NFIB: variants seen among roughly 807,000 people sequenced by gnomAD.
NFIB encodes nuclear factor I B, also known as nuclear factor 1 B-type.
Under a neutral mutation model 61.5 loss-of-function variants are expected in NFIB, and 11 were observed. That is an observed-to-expected ratio of 0.18 (90% confidence interval 0.11 to 0.30). NFIB has a LOEUF of 0.30. Among genes scored for constraint, NFIB ranks in the 10% least tolerant of loss-of-function variants. The pLI is 1.00. For missense variants in NFIB, 471 were observed against 608.9 expected, an observed-to-expected ratio of 0.77 and a Z score of 2.38; for synonymous variants, 260 against 216.5, an observed-to-expected ratio of 1.20 and a Z score of -1.76.
intron 2 of NFIB, among the ~76,000 whole-genome samples, chr9:14,261,281 C>T (rs2132236856): frequency 6.6e-6 from 1 of 152,180 alleles, no homozygotes; most frequent in Non-Finnish European, 1.5e-5. Context: ...CATACCATTG[C>T]ACTCCAGCCT....
chr9:14,513,708 G>C, the NFIB span, among the ~76,000 whole-genome samples: 2 of 150,458 alleles, frequency 1.3e-5, no homozygotes, highest in African/African-American at 4.9e-5. Flanking sequence ...TTTTTCTTTA[G>C]TTATGGTTTT....
At chr9:14,493,204 C>A in the NFIB span, among the ~76,000 whole-genome samples, 1 of 152,190 alleles carries the variant, frequency 6.6e-6, no homozygotes, top group Non-Finnish European at 1.5e-5. Flanking sequence ...CATATTTGGC[C>A]TGGCTCCCAT....
intron 2 of NFIB, among the ~76,000 whole-genome samples, chr9:14,217,546 G>C (rs1290996762): frequency 2.0e-5 from 3 of 151,488 alleles, no homozygotes; most frequent in Non-Finnish European, 4.4e-5. Context: ...TGTAATCCCA[G>C]CTACTTGGGA....
chr9:14,279,476 G>T (rs543682406), intron 2 of NFIB, among the ~76,000 whole-genome samples: 6 of 152,280 alleles, frequency 3.9e-5, no homozygotes, highest in African/African-American at 1.2e-4. Flanking sequence ...AAGGCTAACA[G>T]TGATCAGACT....
the NFIB span, among the ~76,000 whole-genome samples, chr9:14,480,851 T>C: frequency 6.6e-6 from 1 of 152,256 alleles, no homozygotes; most frequent in African/African-American, 2.4e-5. Flanking sequence ...CTTCCTGTAG[T>C]ATGAAGCCTT....
rs534577331 is a variant in NFIB, at chr9:14,245,070, T to G, written c.562+61919A>C. Reference sequence around the variant, plus strand: ...CTCAATCAAACTTTGGCTTCAAAGGTTTGGGATAACAACAGCTAAATTCAG... The same window carrying G: ...CTCAATCAAACTTTGGCTTCAAAGGGTTGGGATAACAACAGCTAAATTCAG... On this transcript the variant is annotated intron_variant, in intron 2 of 10. Coordinates refer to ENST00000380953, the MANE Select transcript of NFIB (RefSeq NM_001190737.2). 2.4e-4 allele frequency among the ~76,000 whole-genome samples: 36 copies of G among 152,278 alleles called. No individual in the cohort carries two copies. The South Asian group carries it at 7.1e-3, about 30-fold the overall frequency.
chr9:14,112,502 A>T (rs981517906), intron 10 of NFIB, among the ~76,000 whole-genome samples: 1 of 152,236 alleles, frequency 6.6e-6, no homozygotes, highest in African/African-American at 2.4e-5. Context: ...AAACCAATTT[A>T]AAGCTATTAA....
At chr9:14,201,120 T>C (rs1237953721) in intron 2 of NFIB, among the ~76,000 whole-genome samples, 1 of 152,188 alleles carries the variant, frequency 6.6e-6, no homozygotes, top group Non-Finnish European at 1.5e-5. Context: ...TTCACATTTT[T>C]ACCTCACAAT....
At chr9:14,426,856 T>C in the NFIB span, among the ~76,000 whole-genome samples, 1 of 152,118 alleles carries the variant, frequency 6.6e-6, no homozygotes, top group African/African-American at 2.4e-5. Flanking sequence ...AGCTCTCAAG[T>C]TGTAAAATGG....
chr9:14,354,951 C>T (rs139405798), intron 1 of NFIB, among the ~76,000 whole-genome samples: 13 of 152,058 alleles, frequency 8.5e-5, no homozygotes, highest in African/African-American at 2.9e-4. Context: ...GCAGGTCTCT[C>T]TAAATGAGAG....
intron 9 of NFIB, among the ~76,000 whole-genome samples, chr9:14,115,151 T>C (rs988345864): frequency 6.6e-6 from 1 of 151,994 alleles, no homozygotes; most frequent in Non-Finnish European, 1.5e-5. Context: ...TCTTATAGGG[T>C]TCCTTCCTAG....
chr9:14,198,903 C>G lies in NFIB; in HGVS notation c.563-19123G>C, dbSNP rs555822986. ...CTCCCTCTCCCTGCCATGTGATGCA[C>G]CAGCTTTGGCCAAAAATCACATGTG... On this transcript the variant is annotated intron_variant, in intron 2 of 10. Coordinates refer to ENST00000380953, the MANE Select transcript of NFIB (RefSeq NM_001190737.2). 2.6e-5 allele frequency among the ~76,000 whole-genome samples: 4 copies of G among 152,298 alleles called. No individual in the cohort carries two copies. The South Asian group carries it at 8.3e-4, about 32-fold the overall frequency.
intron 2 of NFIB, among the ~76,000 whole-genome samples, chr9:14,208,488 C>T (rs141818420): frequency 5.9e-3 from 895 of 151,542 alleles, no homozygotes; most frequent in Non-Finnish European, 8.7e-3. Flanking sequence ...TAAAAACAGA[C>T]GTGACTTAAG....
At chr9:14,281,302 T>A (rs2058356581) in intron 2 of NFIB, among the ~76,000 whole-genome samples, 2 of 152,340 alleles carry the variant, frequency 1.3e-5, no homozygotes, top group South Asian at 4.1e-4. Context: ...TGTAATGTAC[T>A]GTCTGCTGAG....
chr9:14,431,390 A>T, the NFIB span, among the ~76,000 whole-genome samples: 1 of 152,196 alleles, frequency 6.6e-6, no homozygotes, highest in Non-Finnish European at 1.5e-5. Flanking sequence ...TCAATGGTAA[A>T]GAGTCCTTTT....
chr9:14,514,613 G>C, the NFIB span, among the ~76,000 whole-genome samples: 5 of 152,274 alleles, frequency 3.3e-5, no homozygotes, highest in South Asian at 1.0e-3. Flanking sequence ...AACTGAAGGA[G>C]ATGTGGGTCA....
chr9:14,382,345 T>TGA (rs111564800), intron 1 of NFIB, among the ~76,000 whole-genome samples: 5,287 of 149,290 alleles, frequency 0.035, 290 homozygotes, highest in African/African-American at 0.12. Context: ...CAGAAAGTGA[T>TGA]GAGAGAGAGA....
rs1563915989 is a variant in NFIB at position 14,220,847 on chromosome 9, A to ACCCCCCCC, written c.563-41068_563-41067insGGGGGGGG. On this transcript the variant is annotated intron_variant, in intron 2 of 10. Coordinates refer to ENST00000380953, the MANE Select transcript of NFIB (RefSeq NM_001190737.2). ...TCCAGTGAAATCAATCTCCCTACAC[A>ACCCCCCCC]CACACACACACACACACACACACAC... 1.3e-4 allele frequency among the ~76,000 whole-genome samples: 12 copies of ACCCCCCCC among 94,500 alleles called. No homozygotes were observed. In the East Asian group the frequency reaches 6.9e-3, roughly 54 times the overall value. 62.0% of individuals were successfully genotyped at this position (94,500 alleles called of 152,430 possible). A position where few individuals can be genotyped will look rare whatever the true frequency, so the allele number is the denominator to read the frequency against.
intron 3 of NFIB, among the ~76,000 whole-genome samples, chr9:14,168,125 C>T (rs533671219): frequency 2.6e-5 from 4 of 152,328 alleles, no homozygotes; most frequent in African/African-American, 9.6e-5. Flanking sequence ...GAAGTACCCG[C>T]TTTTTCTAGG....
Sources: gnomAD v4.1 joint callset for allele counts (sites outside exome capture counted in the v4.1 genomes callset) on GRCh38, gnomAD v4.1.1 for gene constraint, MANE v1.5 for transcripts, NCBI Gene and HGNC (gene_info 2026-07-23, HGNC 2026-07-21) for gene names.